Variants in NRXN3 observed in about 807,000 individuals in gnomAD.
NRXN3 encodes neurexin III.
Under a neutral mutation model 137.6 loss-of-function variants are expected in NRXN3, and 32 were observed. That is an observed-to-expected ratio of 0.23 (90% CI 0.18 to 0.31). The LOEUF (loss-of-function observed/expected upper bound fraction) is 0.31, where lower values mean the gene tolerates loss of function less well. NRXN3 is among the 10% of genes least tolerant of loss of function. The pLI is 1.00. For synonymous variants in NRXN3, 798 were observed against 784.5 expected (o/e 1.02, Z -0.29); for missense variants, 1,574 against 2,062.5 (o/e 0.76, Z 4.59).
intron 8 of NRXN3, among the ~76,000 whole-genome samples, chr14:78,774,096 G>A (rs575793310): frequency 1.3e-5 from 2 of 152,028 alleles, no homozygotes; most frequent in African/African-American, 2.4e-5. Context: ...CACCGCGCCC[G>A]GCCACTTATT....
At chr14:78,313,001 ATC>A (rs1375261192) in intron 4 of NRXN3, among the ~76,000 whole-genome samples, 2 of 152,198 alleles carry the variant, frequency 1.3e-5, no homozygotes, top group African/African-American at 2.4e-5. Flanking sequence ...TGTGCGCTGC[ATC>A]TCTGTTTTTT....
intron 10 of NRXN3, among the ~76,000 whole-genome samples, chr14:78,821,331 A>G (rs1275097546): frequency 6.6e-6 from 1 of 152,090 alleles, no homozygotes; most frequent in Non-Finnish European, 1.5e-5. Flanking sequence ...AATAAAAAGT[A>G]ATATTTGAAA....
intron 4 of NRXN3, among the ~76,000 whole-genome samples, chr14:78,376,220 T>C (rs1037026361): frequency 1.3e-5 from 2 of 152,168 alleles, no homozygotes; most frequent in Non-Finnish European, 2.9e-5. Context: ...GGCTAACATA[T>C]ATGAGTGATG....
chr14:79,083,108 T>C (rs1397709732), intron 15 of NRXN3, among the ~76,000 whole-genome samples: 1 of 152,208 alleles, frequency 6.6e-6, no homozygotes, highest in Non-Finnish European at 1.5e-5. Context: ...TTCCCATTTA[T>C]TTTCCATCAG....
chr14:79,214,524 A>G (rs1221518033), intron 15 of NRXN3, among the ~76,000 whole-genome samples: 1 of 152,200 alleles, frequency 6.6e-6, no homozygotes, highest in Non-Finnish European at 1.5e-5. Context: ...AGATAGGCCA[A>G]TTACTCTGAT....
At chr14:78,834,506 A>G (rs2098990907) in intron 10 of NRXN3, among the ~76,000 whole-genome samples, 1 of 152,176 alleles carries the variant, frequency 6.6e-6, no homozygotes, top group Non-Finnish European at 1.5e-5. Context: ...TAGGAAAATG[A>G]AGCAGGTTCA....
At chr14:78,177,678 A>G (rs2059403805) in intron 1 of NRXN3, 1 of 152,164 alleles carries the variant, frequency 6.6e-6, no homozygotes, top group Non-Finnish European at 1.5e-5. Context: ...CATACTAGAG[A>G]GAGAAATCCA....
intron 5 of NRXN3, 123 bp downstream of exon 5, chr14:78,645,544 G>A (rs958366598): frequency 2.4e-5 from 18 of 739,304 alleles, no homozygotes; most frequent in South Asian, 1.8e-4. Flanking sequence ...AGATGTTAAC[G>A]TCTAACTTTC....
At chr14:78,433,098 T>C (rs1184388214) in intron 4 of NRXN3, among the ~76,000 whole-genome samples, 1 of 152,162 alleles carries the variant, frequency 6.6e-6, no homozygotes, top group African/African-American at 2.4e-5. Flanking sequence ...TGGGCTCTTA[T>C]CTGCAGATTC....
chr14:78,686,567 A>G (rs937790611), intron 6 of NRXN3, among the ~76,000 whole-genome samples: 5 of 152,176 alleles, frequency 3.3e-5, no homozygotes. Flanking sequence ...GAGAAACCCA[A>G]TTGGTAATAC....
At chr14:78,451,300 A>G (rs2153706177) in intron 4 of NRXN3, among the ~76,000 whole-genome samples, 2 of 152,352 alleles carry the variant, frequency 1.3e-5, no homozygotes, top group Middle Eastern at 6.8e-3. Flanking sequence ...CATTAAAGCA[A>G]ACAAACCTAA....
rs137871821 is a variant in NRXN3 at position 79,557,677 on chromosome 14, G to A, written c.3444+90275G>A. Among the ~76,000 whole-genome samples the A allele has an allele frequency of 2.0e-4, 30 of 152,218 alleles. No individual in the cohort carries two copies. The East Asian group carries it at 5.4e-3, about 27-fold the overall frequency. Reference sequence around the variant, plus strand: ...AAAATAATGCTAAAAAATTATCAGAGCCTTCAGAGAGTCATAACCTTTTGG... The same window carrying A: ...AAAATAATGCTAAAAAATTATCAGAACCTTCAGAGAGTCATAACCTTTTGG... On this transcript the variant is annotated intron_variant, in intron 16 of 20. Coordinates refer to ENST00000335750, the MANE Select transcript of NRXN3 (RefSeq NM_001330195.2).
intron 19 of NRXN3, among the ~76,000 whole-genome samples, chr14:79,790,063 A>G (rs1380410189): frequency 6.6e-6 from 1 of 152,198 alleles, no homozygotes; most frequent in Admixed American, 6.5e-5. Flanking sequence ...TGTTTCCAAG[A>G]TATTTAATCA....
At chr14:78,526,225 G>A (rs2096376896) in intron 4 of NRXN3, among the ~76,000 whole-genome samples, 1 of 152,206 alleles carries the variant, frequency 6.6e-6, no homozygotes, top group Non-Finnish European at 1.5e-5. Context: ...AGGCTGATAC[G>A]ATCAGAAAGG....
At chr14:79,509,468 A>G (rs2096911014) in intron 16 of NRXN3, among the ~76,000 whole-genome samples, 1 of 151,800 alleles carries the variant, frequency 6.6e-6, no homozygotes, top group Admixed American at 6.6e-5. Context: ...GTGAGCCAAG[A>G]TCCCACCACT....
intron 10 of NRXN3, among the ~76,000 whole-genome samples, chr14:78,881,258 G>C (rs2099128442): frequency 6.6e-6 from 1 of 151,690 alleles, no homozygotes; most frequent in Non-Finnish European, 1.5e-5. Flanking sequence ...ATTGGCACCA[G>C]GTAGTGGGAT....
chr14:78,695,338 T>C (rs145618123), intron 6 of NRXN3: 1 of 152,184 alleles, frequency 6.6e-6, no homozygotes, highest in African/African-American at 2.4e-5. Context: ...GATATATCTT[T>C]GGGGAACATT....
intron 15 of NRXN3, among the ~76,000 whole-genome samples, chr14:79,245,383 C>A: frequency 6.7e-6 from 1 of 149,280 alleles, no homozygotes; most frequent in Admixed American, 6.7e-5. Flanking sequence ...AAGGGAGAGA[C>A]CATGGGAAGA....
intron 19 of NRXN3, among the ~76,000 whole-genome samples, chr14:79,720,584 T>C (rs980504507): frequency 1.3e-5 from 2 of 152,132 alleles, no homozygotes; most frequent in Admixed American, 6.6e-5. Flanking sequence ...TAGAGAGCCA[T>C]TCTGTGCTGC....
Sources: gnomAD v4.1 joint callset for allele counts (sites outside exome capture counted in the v4.1 genomes callset) on GRCh38, gnomAD v4.1.1 for gene constraint, MANE v1.5 for transcripts, NCBI Gene and HGNC (gene_info 2026-07-23, HGNC 2026-07-21) for gene names.